NSD3: variants seen among roughly 807,000 people sequenced by gnomAD.
NSD3 encodes the protein histone-lysine N-methyltransferase NSD3.
NSD3 carries 24 observed loss-of-function variants against 160.8 expected under a neutral mutation model. That is an observed-to-expected ratio of 0.15 (90% CI 0.11 to 0.21). The LOEUF (loss-of-function observed/expected upper bound fraction) is 0.21. NSD3 is among the 10% of genes least tolerant of loss of function. The pLI is 1.00. For missense variants in NSD3, 1,157 were observed against 1,735.9 expected (o/e 0.67, Z 5.93); for synonymous variants, 520 against 600.0 (o/e 0.87, Z 1.95).
intron 1 of NSD3, among the ~76,000 whole-genome samples, chr8:38,373,758 AGC>A (rs1811315524): frequency 6.6e-6 from 1 of 151,986 alleles, no homozygotes; most frequent in Non-Finnish European, 1.5e-5. Context: ...GTTCAAGGCC[AGC>A]CAGGCAACAA....
At chr8:38,292,958 C>T (rs1260671113) in intron 16 of NSD3, among the ~76,000 whole-genome samples, 7 of 137,244 alleles carry the variant, frequency 5.1e-5, no homozygotes, top group Admixed American at 3.7e-4. Context: ...GGCGACAGAG[C>T]GAGACTCTGT....
chr8:38,307,865 G>A (rs1003465500), intron 12 of NSD3, among the ~76,000 whole-genome samples: 2 of 152,132 alleles, frequency 1.3e-5, no homozygotes, highest in Non-Finnish European at 2.9e-5. Flanking sequence ...TTTTACTTGT[G>A]TAATTAGAAA....
At chr8:38,379,599 A>G (rs535414794) in intron 1 of NSD3, among the ~76,000 whole-genome samples, 8 of 152,346 alleles carry the variant, frequency 5.3e-5, no homozygotes, top group African/African-American at 1.9e-4. Flanking sequence ...TAAAAGCCAG[A>G]TTTACAAAGT....
chr8:38,289,685 C>T (rs1317105864), intron 17 of NSD3, among the ~76,000 whole-genome samples, 180 bp from the exon 18 acceptor site: 1 of 152,168 alleles, frequency 6.6e-6, no homozygotes, highest in African/African-American at 2.4e-5. Context: ...TAGGATATAA[C>T]TCACTGAACA....
intron 22 of NSD3, 54 bp downstream of exon 22, chr8:38,278,252 A>G (rs891490262): frequency 3.9e-6 from 6 of 1,530,248 alleles, no homozygotes; most frequent in Non-Finnish European, 5.4e-6. Flanking sequence ...AGACTTCTTA[A>G]CAGCCCTACT....
rs139038133 is a variant in NSD3, at chr8:38,338,593, C to G, written c.690G>C (p.Arg230Ser). The G allele has an allele frequency of 1.2e-6, 2 of 1,613,656 alleles. No homozygotes were observed. The highest frequency in any genetic ancestry group is 1.7e-6 in the Non-Finnish European group (2 of 1,179,830). ...TTGGTTTTTCTGATACAGTGTCAAC[C>G]CTCTCATTTGGTCTCTAGGTGAAAA... ...EPEEQNRPNERVDTVSEKPRE... is the reference protein window; with the variant it reads ...EPEEQNRPNESVDTVSEKPRE... Residue 230 changes from arginine to serine, a missense_variant, in exon 3 of 24, where the codon AGG becomes AGC. Around this residue, in one of 10 missense-constraint regions of NSD3, gnomAD observed 99 missense variants for 151.8 expected, o/e 0.65. Transcript: ENST00000317025.
At chr8:38,337,209 A>G in intron 4 of NSD3, 96 bp downstream of exon 4, 3 of 1,107,796 alleles carry the variant, frequency 2.7e-6, no homozygotes, top group Non-Finnish European at 2.4e-6. Flanking sequence ...GTATCAGATT[A>G]TATATTACGT....
chr8:38,299,500 A>G lies in NSD3; in HGVS notation c.2702T>C (p.Leu901Ser). 1 of 1,613,814 alleles carries G rather than the reference A, an allele frequency of 6.2e-7. No homozygotes were observed. ...AGAAGGAATCATAGGTAATTTCATCAACTCAGCACGATTTGATTCATTCAG... is the reference window on the plus strand; with the variant it reads ...AGAAGGAATCATAGGTAATTTCATCGACTCAGCACGATTTGATTCATTCAG... ...YLLNESNRAE[L>S]MKLPMIPSSS... Residue 901 changes from leucine (L) to serine (S), a missense_variant, in exon 15 of 24, where the codon TTG becomes TCG. By Grantham distance (145) the Leu-to-Ser change is moderately radical. Coordinates refer to ENST00000317025, the MANE Select transcript of NSD3 (RefSeq NM_023034.2).
intron 16 of NSD3, 128 bp downstream of exon 16, chr8:38,295,667 TC>T: frequency 1.1e-6 from 1 of 876,944 alleles, no homozygotes; most frequent in Non-Finnish European, 1.7e-6. Context: ...ATGGTTCTTT[TC>T]TTTTTTTTTT....
At position 38,317,551 on chromosome 8, in the gene NSD3, C is replaced by T. The variant is rs1418899990; in HGVS notation, c.1855+1344G>A. 3 of 1,066,560 alleles carry T rather than the reference C, an allele frequency of 2.8e-6. No individual in the cohort carries two copies. Among genetic ancestry groups the T allele is most frequent in the East Asian group, 5.3e-5 (1 of 18,976 alleles). 66.1% of individuals were successfully genotyped at this position (1,066,560 alleles called of 1,614,324 possible). On this transcript the variant is annotated intron_variant, in intron 9 of 23. Transcript: ENST00000317025. This position sits in a 1 kb window ranked among gnomAD's most constrained non-coding sequence, Gnocchi z 5.3. ...GCTGTCATGCTGTTCTCCATGATAA[C>T]GGCACTAATATTAAAAAAAATAAGA...
chr8:38,321,194 CAA>C lies in NSD3; in HGVS notation c.1709-24_1709-23del. ...GAGCCTAAGAAATGATTTAAACACA[CAA>C]ACAAAAACTCACTTAAGGATACCTT... On this transcript the variant is annotated intron_variant, in intron 7 of 23. Coordinates refer to ENST00000317025, the MANE Select transcript of NSD3 (RefSeq NM_023034.2). The surrounding 1 kb of genome is among the most constrained non-coding windows in gnomAD (Gnocchi z 4.7). The C allele has an allele frequency of 6.3e-7, 1 of 1,593,610 alleles. No individual in the cohort carries two copies. The highest frequency in any genetic ancestry group is 8.6e-7 in the Non-Finnish European group (1 of 1,169,252).
intron 14 of NSD3, among the ~76,000 whole-genome samples, chr8:38,300,239 G>C (rs1258254849): frequency 6.6e-6 from 1 of 152,068 alleles, no homozygotes; most frequent in Non-Finnish European, 1.5e-5. Context: ...ATGGCTCATT[G>C]CACCTTTGAA....
chr8:38,321,970 G>T lies in NSD3; in HGVS notation c.1709-798C>A, dbSNP rs1809803457. On this transcript the variant is annotated intron_variant, in intron 7 of 23. Coordinates refer to ENST00000317025, the MANE Select transcript of NSD3 (RefSeq NM_023034.2). This position sits in a 1 kb window ranked among gnomAD's most constrained non-coding sequence, Gnocchi z 4.7. Reference sequence around the variant, plus strand: ...AACTTGAAAGAACATTGTCAGGAATGATTTCATTCTGTGAGCCTGAGGAGG... The same window carrying T: ...AACTTGAAAGAACATTGTCAGGAATTATTTCATTCTGTGAGCCTGAGGAGG... Among the ~76,000 whole-genome samples, 1 of 152,198 alleles carries T rather than the reference G, an allele frequency of 6.6e-6. No individual in the cohort carries two copies. The highest frequency in any genetic ancestry group is 2.4e-5 in the African/African-American group (1 of 41,428).
intron 19 of NSD3, among the ~76,000 whole-genome samples, chr8:38,287,259 G>T (rs981434199): frequency 1.3e-5 from 2 of 152,078 alleles, no homozygotes; most frequent in Non-Finnish European, 2.9e-5. Flanking sequence ...ATTTATTGGG[G>T]AAATAGGTTA....
At chr8:38,281,633 G>A (rs779859028) in intron 19 of NSD3, 50 bp from the exon 20 acceptor site, 13 of 1,296,156 alleles carry the variant, frequency 1.0e-5, no homozygotes, top group Non-Finnish European at 1.4e-5. Context: ...ATTATATAAA[G>A]CATTGCTTAA....
At position 38,315,970 on chromosome 8, in the gene NSD3, G is replaced by A; in HGVS notation, c.1928C>T (p.Thr643Ile). The A allele has an allele frequency of 1.2e-6, 2 of 1,613,710 alleles. No homozygotes were observed. ...RSRASTDVEM[T>I]SSAYRDTSDS... ...AGATGTGTCTCTGTATGCTGAACTAGTCATTTCTACATCAGTTGAGGCGCG... is the reference window on the plus strand; with the variant it reads ...AGATGTGTCTCTGTATGCTGAACTAATCATTTCTACATCAGTTGAGGCGCG... Residue 643 changes from threonine to isoleucine, a missense_variant, in exon 10 of 24, where the codon ACT (threonine) becomes ATT (isoleucine). By Grantham distance (89) the Thr-to-Ile change is moderately conservative (BLOSUM62 -1). Transcript: ENST00000317025.
chr8:38,347,434 T>A (rs1810563082), intron 2 of NSD3, 63 bp downstream of exon 2: 1 of 1,508,134 alleles, frequency 6.6e-7, no homozygotes, highest in Non-Finnish European at 8.9e-7. Flanking sequence ...ACCAAAAAGA[T>A]CTCTTGAACT....
chr8:38,316,564 T>C lies in NSD3; in HGVS notation c.1856-522A>G, dbSNP rs766237435. ...GTTGATTATTGCCCCCCAATAAAAT[T>C]TGGATGTTCATAATTGTTCATCTGA... On this transcript the variant is annotated intron_variant, in intron 9 of 23. Coordinates refer to ENST00000317025, the MANE Select transcript of NSD3 (RefSeq NM_023034.2). This position sits in a 1 kb window ranked among gnomAD's most constrained non-coding sequence, Gnocchi z 4.5. 5.7e-4 allele frequency: 603 copies of C among 1,050,430 alleles called. 1 individual carries two copies. Among genetic ancestry groups the C allele is most frequent in the Middle Eastern group, 1.3e-3 (3 of 2,304 alleles). 65.1% of individuals were successfully genotyped at this position (1,050,430 alleles called of 1,614,324 possible).
chr8:38,292,863 T>G (rs1469370615), intron 16 of NSD3, among the ~76,000 whole-genome samples: 2 of 151,826 alleles, frequency 1.3e-5, no homozygotes, highest in East Asian at 1.9e-4. Flanking sequence ...TCCCAGCTAC[T>G]TGGGAGGCTG....
Sources: allele counts gnomAD v4.1 joint callset (sites outside exome capture counted in the v4.1 genomes callset), GRCh38; gene constraint gnomAD v4.1.1; regional missense constraint gnomAD v4.1.1; non-coding constraint Gnocchi (gnomAD v3.1); transcripts MANE v1.5; gene names NCBI Gene and HGNC (gene_info 2026-07-23, HGNC 2026-07-21).